DNM2: variants seen among roughly 807,000 people sequenced by gnomAD.
The protein encoded by DNM2 is dynamin 2, also known as dynamin-2.
DNM2 carries 15 observed loss-of-function variants against 99.0 expected under a neutral mutation model. The ratio of observed to expected loss-of-function variants is 0.15; its 90% confidence interval spans 0.10 to 0.23. DNM2 has a LOEUF of 0.23. Among genes scored for constraint, DNM2 ranks in the 10% least tolerant of loss-of-function variants. The probability of loss-of-function intolerance (pLI) is 1.00; values close to 1 mark genes in which losing one functional copy is unlikely to be tolerated. For synonymous variants in DNM2, 525 were observed against 481.2 expected, an observed-to-expected ratio of 1.09 and a Z score of -1.19; for missense variants, 742 against 1,189.4, an observed-to-expected ratio of 0.62 and a Z score of 5.53.
intron 11 of DNM2, among the ~76,000 whole-genome samples, chr19:10,801,763 G>A (rs2072151846): frequency 6.6e-6 from 1 of 151,470 alleles, no homozygotes; most frequent in African/African-American, 2.4e-5. Context: ...AAATTAGCTG[G>A]GCGTGGTGGC....
At chr19:10,747,185 G>A (rs758496212) in intron 1 of DNM2, among the ~76,000 whole-genome samples, 21 of 151,928 alleles carry the variant, frequency 1.4e-4, no homozygotes, top group South Asian at 2.1e-4. Flanking sequence ...ACTTTGATTC[G>A]ATGGGGCGAA....
At position 10,812,697 on chromosome 19, in the gene DNM2, G is replaced by C. The variant is rs1233728373; in HGVS notation, c.1671+320G>C. On this transcript the variant is annotated intron_variant, in intron 15 of 20. Transcript: ENST00000389253. This position sits in a 1 kb window ranked among gnomAD's most constrained non-coding sequence, Gnocchi z 4.0. Reference sequence around the variant, plus strand: ...AGCTACTCAGGAGGCTGAGGCAGGAGAATCGTTTGAACCCGGGAGGCGGAG... The same window carrying C: ...AGCTACTCAGGAGGCTGAGGCAGGACAATCGTTTGAACCCGGGAGGCGGAG... 6.6e-6 allele frequency among the ~76,000 whole-genome samples: 1 copy of C among 152,206 alleles called. No homozygotes were observed. Among genetic ancestry groups the C allele is most frequent in the Non-Finnish European group, 1.5e-5 (1 of 68,034 alleles).
At chr19:10,769,647 A>G (rs906953405) in intron 2 of DNM2, among the ~76,000 whole-genome samples, 10 of 150,624 alleles carry the variant, frequency 6.6e-5, no homozygotes, top group African/African-American at 2.4e-4. Flanking sequence ...GAGCTGTTCC[A>G]TTTTTAGTGG....
intron 1 of DNM2, among the ~76,000 whole-genome samples, chr19:10,756,507 G>A (rs999054559): frequency 6.6e-6 from 1 of 152,206 alleles, no homozygotes; most frequent in Non-Finnish European, 1.5e-5. Context: ...TGACGGAAAG[G>A]GATTAGAGCT....
At chr19:10,804,155 T>G (rs2072256421) in intron 12 of DNM2, among the ~76,000 whole-genome samples, 1 of 152,024 alleles carries the variant, frequency 6.6e-6, no homozygotes, top group African/African-American at 2.4e-5. Flanking sequence ...ACCAGGATGC[T>G]TCTGATTAGA....
chr19:10,824,949 C>T, intron 17 of DNM2, 108 bp from the exon 18 acceptor site: 2 of 1,563,772 alleles, frequency 1.3e-6, no homozygotes, highest in South Asian at 1.1e-5. Context: ...CTGTCAGGGG[C>T]CAGCCTGAGG....
chr19:10,718,597 G>A (rs2068830691), intron 1 of DNM2, 194 bp downstream of exon 1: 8 of 841,916 alleles, frequency 9.5e-6, no homozygotes, highest in East Asian at 4.0e-5. Context: ...TCCGGAGCAG[G>A]CCCGGGCCCC....
In DNM2 at chr19:10,777,186, T is replaced by C; in HGVS notation, c.658T>C (p.Leu220=). ...CGAGGGCACCGACGCCAGGGACGTC[T>C]TGGAGAACAAGTTGCTCCCGTTGAG... is the stretch of plus-strand genomic sequence containing the variant. The part of the protein sequence containing the change: ...MDEGTDARDV[L]ENKLLPLRRG... Residue 220 remains leucine (L), a synonymous_variant, in exon 5 of 21, where the codon TTG becomes CTG. Transcript: ENST00000389253. 1 of 1,614,196 alleles carries C rather than the reference T, an allele frequency of 6.2e-7. No individual in the cohort carries two copies. The highest frequency in any genetic ancestry group is 8.5e-7 in the Non-Finnish European group (1 of 1,180,034).
chr19:10,786,474 G>T, intron 6 of DNM2, 90 bp from the exon 7 acceptor site: 2 of 1,598,614 alleles, frequency 1.3e-6, no homozygotes, highest in South Asian at 2.2e-5. Flanking sequence ...TGGCACCCTG[G>T]TGTTGGCCCT....
rs897173780 is a variant in DNM2, at chr19:10,820,239, T to C, written c.1781+150T>C. The C allele has an allele frequency of 7.6e-5, 56 of 733,890 alleles. 1 individual carries two copies. The highest frequency in any genetic ancestry group is 4.5e-4 in the Admixed American group (21 of 46,670). The allele number at this position is 733,890 out of a possible 1,614,324, so 45.5% of individuals were successfully genotyped here. On this transcript the variant is annotated intron_variant, in intron 16 of 20. Coordinates refer to ENST00000389253, the MANE Select transcript of DNM2 (RefSeq NM_001005361.3). This position sits in a 1 kb window ranked among gnomAD's most constrained non-coding sequence, Gnocchi z 4.3. Reference sequence around the variant, plus strand: ...TTAGAAAGGGGAGTCACGTGAGAAATAGCAAATGCCAGGGATGCTTCCCGT... The same window carrying C: ...TTAGAAAGGGGAGTCACGTGAGAAACAGCAAATGCCAGGGATGCTTCCCGT...
chr19:10,819,923 G>A, intron 15 of DNM2, 57 bp from the exon 16 acceptor site: 1 of 1,542,980 alleles, frequency 6.5e-7, no homozygotes, highest in Non-Finnish European at 9.0e-7. Context: ...TCTGGCCTGG[G>A]GCATCCTGAG....
intron 2 of DNM2, among the ~76,000 whole-genome samples, chr19:10,767,218 TAAA>T (rs5827112): frequency 7.0e-6 from 1 of 142,820 alleles, no homozygotes; most frequent in Non-Finnish European, 1.5e-5. Context: ...AGTGGATTGT[TAAA>T]AAAAAAAAAA....
At chr19:10,824,064 T>C (rs1190584522) in intron 17 of DNM2, 165 bp downstream of exon 17, 1 of 665,848 alleles carries the variant, frequency 1.5e-6, no homozygotes, top group South Asian at 1.7e-5. Context: ...TGGGGGTACT[T>C]TGTCATCAGG....
rs576295640 is a variant in DNM2 at position 10,795,882 on chromosome 19, C to A, written c.1196+443C>A. 3 of 951,886 alleles carry A rather than the reference C, an allele frequency of 3.2e-6. No homozygotes were observed. The highest frequency in any genetic ancestry group is 2.4e-5 in the East Asian group (1 of 41,330). 59.0% of individuals were successfully genotyped at this position (951,886 alleles called of 1,614,324 possible). A position where few individuals can be genotyped will look rare whatever the true frequency, so the allele number is the denominator to read the frequency against. On this transcript the variant is annotated intron_variant, in intron 9 of 20. Coordinates refer to ENST00000389253, the MANE Select transcript of DNM2 (RefSeq NM_001005361.3). This position sits in a 1 kb window ranked among gnomAD's most constrained non-coding sequence, Gnocchi z 4.2. ...TTGCTCCAGGTGTCTGCCCTTCCAT[C>A]GCCGTGGGGTCCTCGGGTCACCCTG...
Position 10,812,413 on chromosome 19 carries a change from G to A in DNM2, c.1671+36G>A, listed in dbSNP as rs371925749. On this transcript the variant is annotated intron_variant, in intron 15 of 20. Transcript: ENST00000389253. This position sits in a 1 kb window ranked among gnomAD's most constrained non-coding sequence, Gnocchi z 4.0. ...GGCGGGAGCAGGGCTGCTGGGGTAG[G>A]TGGGGCAGCCAGGGAAGAGCGGGTG... 6.1e-5 allele frequency: 95 copies of A among 1,551,940 alleles called. No individual in the cohort carries two copies. In the South Asian group the frequency reaches 1.0e-3, roughly 17 times the overall value.
intron 13 of DNM2, 78 bp from the exon 14 acceptor site, chr19:10,808,491 C>T (rs1417575519): frequency 2.6e-6 from 4 of 1,536,756 alleles, no homozygotes; most frequent in African/African-American, 2.7e-5. Context: ...TCTTTGTCCC[C>T]TTCACGTCCC....
intron 19 of DNM2, among the ~76,000 whole-genome samples, chr19:10,829,567 C>G (rs2146207254): frequency 6.6e-6 from 1 of 152,306 alleles, no homozygotes; most frequent in East Asian, 1.9e-4. Flanking sequence ...GGAGGGGCAG[C>G]AGCCACAGGA....
chr19:10,728,102 A>C (rs1599424385), intron 1 of DNM2, among the ~76,000 whole-genome samples: 1 of 152,056 alleles, frequency 6.6e-6, no homozygotes, highest in Non-Finnish European at 1.5e-5. Context: ...GGTGGTGGGA[A>C]ATTTTCCCCT....
intron 1 of DNM2, among the ~76,000 whole-genome samples, chr19:10,747,875 G>A (rs1029150482): frequency 2.0e-5 from 3 of 152,112 alleles, no homozygotes; most frequent in Admixed American, 2.0e-4. Flanking sequence ...GCGGGGGGAG[G>A]GAGGGTGCAG....
Sources: allele counts gnomAD v4.1 joint callset (sites outside exome capture counted in the v4.1 genomes callset), GRCh38; gene constraint gnomAD v4.1.1; non-coding constraint Gnocchi (gnomAD v3.1); transcripts MANE v1.5; gene names NCBI Gene and HGNC (gene_info 2026-07-23, HGNC 2026-07-21).